Variants in FGF14 observed in about 807,000 individuals in gnomAD.
The protein encoded by FGF14 is fibroblast growth factor homologous factor 4.
In FGF14, 5 loss-of-function variants were observed where a neutral mutation model predicts 25.5. The observed-to-expected ratio is 0.20, with a 90% CI of 0.10 to 0.41. The LOEUF (loss-of-function observed/expected upper bound fraction) is 0.41. FGF14 is among the 10% of genes least tolerant of loss of function. FGF14 has a pLI of 1.00. For missense variants in FGF14, 222 were observed against 320.1 expected, an observed-to-expected ratio of 0.69 and a Z score of 2.34; for synonymous variants, 138 against 118.3, an observed-to-expected ratio of 1.17 and a Z score of -1.08.
chr13:102,124,846 G>A lies in FGF14; in HGVS notation c.209-249550C>T, dbSNP rs77615158. Among the ~76,000 whole-genome samples the A allele has an allele frequency of 2.0e-3, 309 of 152,154 alleles. 3 individuals carry two copies. Among genetic ancestry groups the A allele is most frequent in the Non-Finnish European group, 3.7e-3 (249 of 67,948 alleles). On this transcript the variant is annotated intron_variant, in intron 1 of 4. Transcript: ENST00000376131. ...TTCTGCATTCATTTTAGGAACAAAA[G>A]CTTATGATGGTATATAAAATTCTTA...
Position 101,875,199 on chromosome 13 carries a change from G to A in FGF14, c.291C>T (p.Asp97=). The A allele has an allele frequency of 6.2e-7, 1 of 1,612,446 alleles. No homozygotes were observed. The highest frequency in any genetic ancestry group is 2.2e-5 in the East Asian group (1 of 44,834). The part of the protein sequence containing the change: ...PDGALDGTKD[D]STNSTLFNLI... Reference sequence around the variant, plus strand: ...GTTGTCACTTACTAGAATTAGTGCTGTCATCCTTGGTTCCATCGAGAGCTC... The same window carrying A: ...GTTGTCACTTACTAGAATTAGTGCTATCATCCTTGGTTCCATCGAGAGCTC... Residue 97 remains aspartate (D), a synonymous_variant, in exon 2 of 5, where the codon GAC becomes GAT. Coordinates refer to ENST00000376143, the MANE Select transcript of FGF14 (RefSeq NM_004115.4).
intron 1 of FGF14, among the ~76,000 whole-genome samples, chr13:101,996,206 G>A (rs1006375931): frequency 6.6e-6 from 1 of 152,114 alleles, no homozygotes; most frequent in East Asian, 1.9e-4. Context: ...AAAGCTTTTT[G>A]TGTTTTGAAT....
At chr13:102,207,582 T>G (rs2049982901) in intron 1 of FGF14, among the ~76,000 whole-genome samples, 1 of 144,148 alleles carries the variant, frequency 6.9e-6, no homozygotes, top group Admixed American at 6.9e-5. Flanking sequence ...TTTTAACACG[T>G]TTTGCAACAT....
intron 1 of FGF14, among the ~76,000 whole-genome samples, chr13:102,347,191 G>A (rs2057134950): frequency 1.3e-5 from 2 of 152,176 alleles, no homozygotes. Context: ...AAGCAGACCT[G>A]CCAGTCAGTC....
At chr13:101,807,818 T>C (rs148975288) in intron 3 of FGF14, among the ~76,000 whole-genome samples, 130 of 152,214 alleles carry the variant, frequency 8.5e-4, no homozygotes, top group African/African-American at 2.9e-3. Context: ...GATATTTTAA[T>C]GATTTGAGCT....
At chr13:102,280,176 T>C (rs766343700) in intron 1 of FGF14, among the ~76,000 whole-genome samples, 4 of 152,150 alleles carry the variant, frequency 2.6e-5, no homozygotes, top group Middle Eastern at 3.2e-3. Flanking sequence ...TGCAGGAAAA[T>C]AGGCAATTAT....
rs141677640 is a variant in FGF14 at position 101,994,635 on chromosome 13, C to T, written c.209-119339G>A. ...ATTGTGCAACTTTTATTTCATTTCC[C>T]GAGTAATATAATTGTGTAATTATAT... On this transcript the variant is annotated intron_variant, in intron 1 of 4. Transcript: ENST00000376131. Among the ~76,000 whole-genome samples, 66 of 151,832 alleles carry T rather than the reference C, an allele frequency of 4.3e-4. 2 individuals carry two copies. The South Asian group carries it at 0.012, about 29-fold the overall frequency.
At chr13:102,300,655 G>C (rs1323337009) in intron 1 of FGF14, among the ~76,000 whole-genome samples, 1 of 152,048 alleles carries the variant, frequency 6.6e-6, no homozygotes, top group Non-Finnish European at 1.5e-5. Flanking sequence ...CTCTATCATA[G>C]TAAGAATATT....
rs562223979 is a variant in FGF14 at position 102,392,456 on chromosome 13, C to T, written c.208+9015G>A. The stretch of plus-strand genomic sequence containing the variant: ...ATTTTTTCCCAGTCCTAAGGATTTT[C>T]GGGTTTGAAATCAAGATGAACTTTT... On this transcript the variant is annotated intron_variant, in intron 1 of 4. Transcript: ENST00000376131. 5.3e-5 allele frequency among the ~76,000 whole-genome samples: 8 copies of T among 152,258 alleles called. No homozygotes were observed. The South Asian group carries it at 1.2e-3, about 24-fold the overall frequency.
intron 3 of FGF14, among the ~76,000 whole-genome samples, chr13:101,773,777 G>C (rs1285033829): frequency 2.0e-5 from 3 of 150,768 alleles, no homozygotes; most frequent in Non-Finnish European, 4.4e-5. Flanking sequence ...ATTTGGTTTA[G>C]AGACAGAAGA....
At chr13:101,977,829 A>C (rs923677271) in intron 1 of FGF14, among the ~76,000 whole-genome samples, 6 of 152,166 alleles carry the variant, frequency 3.9e-5, no homozygotes, top group African/African-American at 1.4e-4. Flanking sequence ...ATTTTATATA[A>C]GTCCATTTGA....
intron 1 of FGF14, among the ~76,000 whole-genome samples, chr13:101,905,537 C>T (rs564562593): frequency 1.3e-4 from 20 of 151,872 alleles, no homozygotes; most frequent in East Asian, 5.8e-4. Flanking sequence ...GGACATCACA[C>T]GCTGGGGCCT....
intron 1 of FGF14, among the ~76,000 whole-genome samples, chr13:101,997,396 C>T (rs1001388607): frequency 6.6e-6 from 1 of 152,110 alleles, no homozygotes; most frequent in East Asian, 1.9e-4. Context: ...CTCTCAATCA[C>T]AAGACAACTA....
At chr13:101,795,457 A>G (rs1284497481) in intron 3 of FGF14, among the ~76,000 whole-genome samples, 1 of 152,078 alleles carries the variant, frequency 6.6e-6, no homozygotes, top group Admixed American at 6.6e-5. Context: ...GGATATGAGG[A>G]GGGGAAATTA....
intron 1 of FGF14, among the ~76,000 whole-genome samples, chr13:101,878,989 C>T (rs867981330): frequency 2.0e-5 from 3 of 152,040 alleles, no homozygotes; most frequent in Admixed American, 6.6e-5. Flanking sequence ...ATCCCAAAGT[C>T]TTACAATACA....
intron 1 of FGF14, among the ~76,000 whole-genome samples, chr13:102,098,481 G>A (rs1250217438): frequency 1.3e-5 from 2 of 152,162 alleles, no homozygotes; most frequent in Non-Finnish European, 2.9e-5. Flanking sequence ...GTTTAAGGAA[G>A]ATGTTCTATT....
intron 1 of FGF14, among the ~76,000 whole-genome samples, chr13:101,894,204 T>C (rs2032167339): frequency 6.6e-6 from 1 of 152,170 alleles, no homozygotes; most frequent in African/African-American, 2.4e-5. Context: ...GTATCTACAT[T>C]ATGATTAAAA....
chr13:101,982,512 G>C (rs143100890), intron 1 of FGF14, among the ~76,000 whole-genome samples: 1 of 152,170 alleles, frequency 6.6e-6, no homozygotes, highest in East Asian at 1.9e-4. Flanking sequence ...TAACAGTGAT[G>C]AATTAAAAGG....
At chr13:101,899,087 G>T (rs1306959758) in intron 1 of FGF14, among the ~76,000 whole-genome samples, 1 of 152,050 alleles carries the variant, frequency 6.6e-6, no homozygotes, top group Non-Finnish European at 1.5e-5. Flanking sequence ...TAAACTATAC[G>T]TTAGCCAAAA....
Sources: gnomAD v4.1 joint callset for allele counts (sites outside exome capture counted in the v4.1 genomes callset) on GRCh38, gnomAD v4.1.1 for gene constraint, MANE v1.5 for transcripts, NCBI Gene and HGNC (gene_info 2026-07-23, HGNC 2026-07-21) for gene names.